Variants in ABCB4 observed in about 807,000 individuals in gnomAD.
The protein encoded by ABCB4 is ATP binding cassette subfamily B member 4, also known as phosphatidylcholine translocator ABCB4.
Under a neutral mutation model 145.7 loss-of-function variants are expected in ABCB4, and 76 were observed. The observed-to-expected ratio is 0.52, with a 90% CI of 0.43 to 0.63. The LOEUF (loss-of-function observed/expected upper bound fraction) is 0.63. ABCB4 is among the 30% of genes least tolerant of loss of function. ABCB4 has a pLI of 0.00. For synonymous variants in ABCB4, 517 were observed against 566.8 expected (o/e 0.91, Z 1.25); for missense variants, 1,234 against 1,553.1 (o/e 0.79, Z 3.45).
chr7:87,445,174 A>G (rs1015541018), intron 9 of ABCB4, among the ~76,000 whole-genome samples, 199 bp from the exon 10 acceptor site: 2 of 152,034 alleles, frequency 1.3e-5, no homozygotes, highest in Non-Finnish European at 2.9e-5. Context: ...CAAACTACCT[A>G]TTGTTCTCCT....
At position 87,447,351 on chromosome 7, in the gene ABCB4, T is replaced by C. The variant is rs1584755311; in HGVS notation, c.834-146A>G. The stretch of plus-strand genomic sequence containing the variant: ...ATGGTGAGACCCAGATCTTTGGGAA[T>C]TGAACTAATTCAGGATCAGCCAGGC... On this transcript the variant is annotated intron_variant, in intron 8 of 27. Coordinates refer to ENST00000649586, the MANE Select transcript of ABCB4 (RefSeq NM_000443.4). The C allele has an allele frequency of 5.3e-6, 4 of 754,404 alleles. No individual in the cohort carries two copies. In the South Asian group the frequency reaches 7.1e-5, roughly 13 times the overall value. The allele number at this position is 754,404 out of a possible 1,614,324, so 46.7% of individuals were successfully genotyped here.
At chr7:87,401,496 T>G (rs923880374), downstream of ABCB4, among the ~76,000 whole-genome samples, 3 of 152,236 alleles carry the variant, frequency 2.0e-5, no homozygotes, top group African/African-American at 7.2e-5. Flanking sequence ...TTGTACATTT[T>G]AAATTAATGA....
At chr7:87,380,125 G>T in the ABCB4 span, among the ~76,000 whole-genome samples, 25 of 151,734 alleles carry the variant, frequency 1.6e-4, no homozygotes, top group East Asian at 5.8e-4. Flanking sequence ...ATAATAATAA[G>T]AAGAAAAATA....
the ABCB4 span, chr7:87,377,428 G>C: frequency 1.9e-6 from 3 of 1,608,180 alleles, no homozygotes; most frequent in Non-Finnish European, 2.6e-6. Flanking sequence ...TTTTCTAATG[G>C]AGTATTTGGC....
In ABCB4 at chr7:87,405,858, C is replaced by A. The variant is rs775603470; in HGVS notation, c.3486+430G>T. ...GAGTGGAGTGTATCAATATCAGTAT[C>A]CTGCTTGTGATACTGTATACTAGTT... On this transcript the variant is annotated intron_variant, in intron 26 of 27. Coordinates refer to ENST00000649586, the MANE Select transcript of ABCB4 (RefSeq NM_000443.4). The A allele has an allele frequency of 6.3e-4, 154 of 245,806 alleles. 1 individual carries two copies. The highest frequency in any genetic ancestry group is 9.4e-4 in the Non-Finnish European group (118 of 125,546). 15.2% of individuals were successfully genotyped at this position (245,806 alleles called of 1,614,324 possible). A position where few individuals can be genotyped will look rare whatever the true frequency, so the allele number is the denominator to read the frequency against.
the ABCB4 span, among the ~76,000 whole-genome samples, chr7:87,384,893 G>C: frequency 3.3e-5 from 5 of 152,118 alleles, no homozygotes; most frequent in Non-Finnish European, 7.4e-5. Context: ...TTTTGTACAC[G>C]GTAAGAGATA....
At chr7:87,378,312 C>T in the ABCB4 span, among the ~76,000 whole-genome samples, 31 of 138,128 alleles carry the variant, frequency 2.2e-4, no homozygotes, top group African/African-American at 8.2e-4. Context: ...GGCCAGTGCA[C>T]TTCAGCCTGG....
chr7:87,447,232 T>TTATA lies in ABCB4; in HGVS notation c.834-31_834-28dup, dbSNP rs757307439. On this transcript the variant is annotated intron_variant, in intron 8 of 27. Coordinates refer to ENST00000649586, the MANE Select transcript of ABCB4 (RefSeq NM_000443.4). ...TACCAGAAAAATGAGAGGGAAAACATTATAATTAAGAATAACAATCCATAG... is the reference window on the plus strand; with the variant it reads ...TACCAGAAAAATGAGAGGGAAAACATTATATATAATTAAGAATAACAATCCATAG... 3.9e-5 allele frequency: 63 copies of TTATA among 1,603,344 alleles called. No individual in the cohort carries two copies. In the Middle Eastern group the frequency reaches 3.7e-3, roughly 93 times the overall value.
At chr7:87,439,619 C>A in intron 14 of ABCB4, 48 bp downstream of exon 14, 1 of 1,609,256 alleles carries the variant, frequency 6.2e-7, no homozygotes, top group Non-Finnish European at 8.5e-7. Context: ...CAAGAATCTT[C>A]AATAGGTTTC....
intron 3 of ABCB4, among the ~76,000 whole-genome samples, chr7:87,466,067 G>T (rs972443374): frequency 6.6e-6 from 1 of 152,214 alleles, no homozygotes; most frequent in Non-Finnish European, 1.5e-5. Flanking sequence ...TTGATGAGTT[G>T]AGAGAAGAAG....
At chr7:87,373,861 C>T in the ABCB4 span, among the ~76,000 whole-genome samples, 4 of 151,994 alleles carry the variant, frequency 2.6e-5, no homozygotes, top group Non-Finnish European at 5.9e-5. Flanking sequence ...ACTTCAGTGA[C>T]GTATGGAGAC....
intron 16 of ABCB4, among the ~76,000 whole-genome samples, chr7:87,425,711 A>T (rs1277307707): frequency 6.6e-6 from 1 of 152,060 alleles, no homozygotes; most frequent in Non-Finnish European, 1.5e-5. Context: ...TCGTCTCTAC[A>T]AAAAGCACAG....
intron 9 of ABCB4, among the ~76,000 whole-genome samples, chr7:87,446,540 A>G (rs1356198465): frequency 1.3e-5 from 2 of 152,324 alleles, no homozygotes; most frequent in East Asian, 1.9e-4. Flanking sequence ...TAAAATTAGT[A>G]TATATTATTT....
chr7:87,383,793 G>A, the ABCB4 span, among the ~76,000 whole-genome samples: 6 of 151,816 alleles, frequency 4.0e-5, no homozygotes, highest in East Asian at 5.8e-4. Flanking sequence ...CACCACGCCC[G>A]GCCCACATTT....
At chr7:87,420,199 G>A (rs1809320275) in intron 18 of ABCB4, 124 bp from the exon 19 acceptor site, 4 of 867,560 alleles carry the variant, frequency 4.6e-6, no homozygotes, top group African/African-American at 1.7e-5. Context: ...GGATCCTCAA[G>A]TCATGTTAAT....
rs766122347 is a variant in ABCB4, at chr7:87,418,613, C to T, written c.2402G>A (p.Ser801Asn). 3.7e-6 allele frequency: 6 copies of T among 1,613,970 alleles called. No individual in the cohort carries two copies. Among genetic ancestry groups the T allele is most frequent in the Non-Finnish European group, 5.1e-6 (6 of 1,179,988 alleles). ...AFKAMLRQDM[S>N]WFDDHKNSTG... is the part of the protein sequence containing the mutation. ...ACTGTTTTTATGGTCATCAAACCAGCTCATGTCCTATGGCATAAAATACAC... is the reference window on the plus strand; with the variant it reads ...ACTGTTTTTATGGTCATCAAACCAGTTCATGTCCTATGGCATAAAATACAC... Residue 801 changes from serine (S) to asparagine (N), a missense_variant, in exon 20 of 28, where the codon AGC becomes AAC. Physicochemically the swap from Ser to Asn is conservative, Grantham distance 46. Coordinates refer to ENST00000649586, the MANE Select transcript of ABCB4 (RefSeq NM_000443.4).
intron 20 of ABCB4, 86 bp from the exon 21 acceptor site, chr7:87,417,601 G>A (rs1393364528): frequency 9.9e-6 from 11 of 1,107,898 alleles, no homozygotes; most frequent in East Asian, 7.4e-5. Flanking sequence ...AGAATGATGA[G>A]TGGGTTCTAT....
In ABCB4 at chr7:87,475,666, G is replaced by A; in HGVS notation, c.-39C>T. ...CTCGCGCGTGTCTGGCAGGGCCTCT[G>A]GACGCGCGGGCGCTGCAGCAGAGGG... On this transcript the variant is annotated 5_prime_UTR_variant, in exon 1 of 28. Coordinates refer to ENST00000649586, the MANE Select transcript of ABCB4 (RefSeq NM_000443.4). The A allele has an allele frequency of 1.6e-6, 1 of 615,146 alleles. No homozygotes were observed. The highest frequency in any genetic ancestry group is 2.8e-5 in the East Asian group (1 of 35,684). The allele number at this position is 615,146 out of a possible 1,614,324, so 38.1% of individuals were successfully genotyped here.
chr7:87,451,817 G>C, intron 6 of ABCB4, 23 bp from the exon 7 acceptor site: 2 of 1,612,976 alleles, frequency 1.2e-6, no homozygotes, highest in Non-Finnish European at 1.7e-6. Flanking sequence ...ACACCTAAGT[G>C]GTTACAGGCA....
Sources: gnomAD v4.1 joint callset for allele counts (sites outside exome capture counted in the v4.1 genomes callset) on GRCh38, gnomAD v4.1.1 for gene constraint, MANE v1.5 for transcripts, NCBI Gene and HGNC (gene_info 2026-07-23, HGNC 2026-07-21) for gene names.